Variants in SCN1A observed in about 807,000 individuals in gnomAD.
The protein encoded by SCN1A is sodium channel protein type 1 subunit alpha.
SCN1A carries 13 observed loss-of-function variants against 193.7 expected under a neutral mutation model. That is an observed-to-expected ratio of 0.07 (90% CI 0.04 to 0.11). The LOEUF (loss-of-function observed/expected upper bound fraction) is 0.11. SCN1A is among the 10% of genes least tolerant of loss of function. The pLI is 1.00. For synonymous variants in SCN1A, 781 were observed against 843.6 expected (o/e 0.93, Z 1.29); for missense variants, 1,432 against 2,451.1 (o/e 0.58, Z 8.78).
intron 19 of SCN1A, among the ~76,000 whole-genome samples, chr2:166,026,679 C>CTTTTTTTTTTTTTTTTTTTT (rs35750460): frequency 1.0e-5 from 1 of 97,712 alleles, no homozygotes; most frequent in Non-Finnish European, 1.9e-5. Context: ...TTCTTTCTTT[C>CTTTTTTTTTTTTTTTTTTTT]TTTTTTTTTT....
intron 2 of SCN1A, among the ~76,000 whole-genome samples, chr2:166,105,456 T>C (rs1426834539): frequency 6.6e-6 from 1 of 152,232 alleles, no homozygotes. Flanking sequence ...ACCCTTTACA[T>C]TGTAGTTATG....
intron 4 of SCN1A, among the ~76,000 whole-genome samples, chr2:166,065,610 TCTC>T (rs1001181273): frequency 3.9e-5 from 6 of 152,134 alleles, no homozygotes; most frequent in Non-Finnish European, 8.8e-5. Context: ...TATTTTTTCA[TCTC>T]CTAGTCTCAT....
intron 2 of SCN1A, among the ~76,000 whole-genome samples, chr2:166,078,889 T>C (rs1442131162): frequency 1.3e-5 from 2 of 151,604 alleles, no homozygotes; most frequent in Non-Finnish European, 3.0e-5. Context: ...TAAAAGAAAG[T>C]GTTTAAATTT....
rs745930061 is a variant in SCN1A, at chr2:166,036,424, C to T, written c.3053G>A (p.Arg1018Lys). 12 of 1,605,714 alleles carry T rather than the reference C, an allele frequency of 7.5e-6. No homozygotes were observed. In the East Asian group the frequency reaches 2.2e-4, roughly 30 times the overall value. ...EMNNLQIAVD[R>K]MHKGVAYVKR... Reference sequence around the variant, plus strand: ...CACATAAGCTACTCCTTTGTGCATCCTATCCACAGCAATTTGGAGATTATT... The same window carrying T: ...CACATAAGCTACTCCTTTGTGCATCTTATCCACAGCAATTTGGAGATTATT... Residue 1018 changes from arginine to lysine, a missense_variant, in exon 19 of 29, where the codon AGG becomes AAG. Transcript: ENST00000674923.
chr2:166,052,527 CAT>C (rs1211278023), intron 8 of SCN1A, among the ~76,000 whole-genome samples: 1 of 151,054 alleles, frequency 6.6e-6, no homozygotes, highest in African/African-American at 2.4e-5. Context: ...ATTGTATACA[CAT>C]AGTCATTAAT....
chr2:166,136,967 C>A (rs1384420636), intron 1 of SCN1A, among the ~76,000 whole-genome samples: 1 of 152,174 alleles, frequency 6.6e-6, no homozygotes, highest in Non-Finnish European at 1.5e-5. Context: ...GTTTCTCAAT[C>A]CCTGGAAAGT....
chr2:166,026,055 T>C (rs975302498), intron 19 of SCN1A, among the ~76,000 whole-genome samples: 6 of 152,158 alleles, frequency 3.9e-5, no homozygotes, highest in African/African-American at 1.4e-4. Context: ...TAACCCTATA[T>C]GCCAGCTATT....
At chr2:166,036,919 C>A (rs1295704355) in intron 18 of SCN1A, among the ~76,000 whole-genome samples, 1 of 152,048 alleles carries the variant, frequency 6.6e-6, no homozygotes, top group Non-Finnish European at 1.5e-5. Flanking sequence ...TTTCAATAAA[C>A]AAAGATATTA....
At chr2:166,137,984 G>C (rs1691930426) in intron 1 of SCN1A, among the ~76,000 whole-genome samples, 1 of 152,164 alleles carries the variant, frequency 6.6e-6, no homozygotes, top group Admixed American at 6.5e-5. Context: ...GGTGACTCTT[G>C]TTATATTTTA....
At chr2:166,048,360 G>A (rs185467049) in intron 10 of SCN1A, among the ~76,000 whole-genome samples, 95 of 152,018 alleles carry the variant, frequency 6.2e-4, no homozygotes, top group African/African-American at 2.3e-3. Flanking sequence ...TTCCCACCTT[G>A]CACACTCTGG....
intron 14 of SCN1A, 45 bp from the exon 15 acceptor site, chr2:166,042,469 T>C (rs953237441): frequency 2.5e-6 from 4 of 1,594,174 alleles, no homozygotes; most frequent in Non-Finnish European, 3.4e-6. Context: ...ATTTGAGCAA[T>C]ATGACAAGCA....
At chr2:166,050,637 A>ATG (rs1369596988) in intron 9 of SCN1A, among the ~76,000 whole-genome samples, 2 of 77,168 alleles carry the variant, frequency 2.6e-5, no homozygotes, top group African/African-American at 1.2e-4. Flanking sequence ...ATATATATAT[A>ATG]TGTGTGTATA....
At chr2:166,141,759 C>A (rs988209622) in intron 1 of SCN1A, among the ~76,000 whole-genome samples, 1 of 149,898 alleles carries the variant, frequency 6.7e-6, no homozygotes, top group African/African-American at 2.5e-5. Context: ...TCAAACAATG[C>A]GGATGTATAC....
chr2:166,047,485 T>C (rs1195863576), intron 11 of SCN1A, 142 bp downstream of exon 11: 2 of 931,646 alleles, frequency 2.1e-6, no homozygotes, highest in African/African-American at 1.6e-5. Context: ...GTATGTGTTA[T>C]AATCAATAGG....
At chr2:166,040,069 C>T (rs1696964235) in intron 16 of SCN1A, among the ~76,000 whole-genome samples, 1 of 151,890 alleles carries the variant, frequency 6.6e-6, no homozygotes, top group Admixed American at 6.6e-5. Context: ...CAGGCGCCCG[C>T]CACCACGCCC....
chr2:166,093,786 A>G (rs1687082625), intron 2 of SCN1A, among the ~76,000 whole-genome samples: 1 of 152,244 alleles, frequency 6.6e-6, no homozygotes, highest in Admixed American at 6.5e-5. Context: ...ACAAAAGAAA[A>G]AAATGGAGGT....
At position 165,991,413 on chromosome 2, in the gene SCN1A, A is replaced by G; in HGVS notation, c.5862T>C (p.Leu1954=). ...KNKIKGGANL[L]IKEDMIIDRI... ...TGTCAATTATCATGTCTTCTTTTAT[A>G]AGAAGATTAGCCCCACCTTTGATTT... is the stretch of plus-strand genomic sequence containing the variant. Residue 1954 remains leucine (L), a synonymous_variant, in exon 29 of 29, where the codon CTT becomes CTC. Coordinates refer to ENST00000674923, the MANE Select transcript of SCN1A (RefSeq NM_001165963.4). 6.2e-7 allele frequency: 1 copy of G among 1,613,732 alleles called. No individual in the cohort carries two copies. Among genetic ancestry groups the G allele is most frequent in the Non-Finnish European group, 8.5e-7 (1 of 1,179,832 alleles).
chr2:166,005,932 A>G (rs1691592265), intron 23 of SCN1A, among the ~76,000 whole-genome samples: 1 of 151,310 alleles, frequency 6.6e-6, no homozygotes, highest in Non-Finnish European at 1.5e-5. Context: ...TTTTCAAAAC[A>G]ATCATCAAAT....
chr2:166,139,627 C>T (rs1243447114), intron 1 of SCN1A, among the ~76,000 whole-genome samples: 1 of 152,148 alleles, frequency 6.6e-6, no homozygotes, highest in Non-Finnish European at 1.5e-5. Context: ...TTTCATGCTG[C>T]TGATAAAGAC....
Sources: gnomAD v4.1 joint callset for allele counts (sites outside exome capture counted in the v4.1 genomes callset) on GRCh38, gnomAD v4.1.1 for gene constraint, MANE v1.5 for transcripts, NCBI Gene and HGNC (gene_info 2026-07-23, HGNC 2026-07-21) for gene names.